NRP1: variants seen among roughly 807,000 people sequenced by gnomAD.
The protein encoded by NRP1 is neuropilin 1.
Under a neutral mutation model 106.7 loss-of-function variants are expected in NRP1, and 35 were observed. That is an observed-to-expected ratio of 0.33 (90% CI 0.25 to 0.43). The LOEUF (loss-of-function observed/expected upper bound fraction) is 0.43, where lower values mean the gene tolerates loss of function less well. NRP1 is among the 20% of genes least tolerant of loss of function. The probability of loss-of-function intolerance (pLI) is 1.00; values close to 1 mark genes in which losing one functional copy is unlikely to be tolerated. For synonymous variants in NRP1, 437 were observed against 417.9 expected, an observed-to-expected ratio of 1.05 and a Z score of -0.56; for missense variants, 1,024 against 1,170.4, an observed-to-expected ratio of 0.87 and a Z score of 1.83.
intron 8 of NRP1, among the ~76,000 whole-genome samples, chr10:33,214,894 G>A (rs563400566): frequency 2.6e-4 from 39 of 152,270 alleles, no homozygotes; most frequent in Admixed American, 5.9e-4. Context: ...TAGTGGTGAT[G>A]CTTGCACAGC....
At chr10:33,306,136 A>AT (rs1167327627) in intron 2 of NRP1, among the ~76,000 whole-genome samples, 12 of 152,092 alleles carry the variant, frequency 7.9e-5, no homozygotes, top group Admixed American at 4.6e-4. Context: ...GTTTATATTA[A>AT]TTTGCAAAGG....
At chr10:33,194,775 G>C (rs1006679730) in intron 12 of NRP1, 4 of 524,898 alleles carry the variant, frequency 7.6e-6, no homozygotes, top group South Asian at 5.8e-5. Context: ...GAAACTTCCA[G>C]CCTGGCTAGA....
chr10:33,262,955 T>C lies in NRP1; in HGVS notation c.658+691A>G, dbSNP rs557249661. ...CCAAAGGGCAGCATCTTTCATTGTT[T>C]TGCTTACCCTGTGGCTAGGATGGTG... On this transcript the variant is annotated intron_variant, in intron 4 of 16. Transcript: ENST00000374867. Among the ~76,000 whole-genome samples, 164 of 152,342 alleles carry C rather than the reference T, an allele frequency of 1.1e-3. 1 individual carries two copies. Among genetic ancestry groups the C allele is most frequent in the African/African-American group, 3.8e-3 (159 of 41,582 alleles).
chr10:33,222,361 A>T (rs1217107657), intron 7 of NRP1, among the ~76,000 whole-genome samples: 1 of 152,198 alleles, frequency 6.6e-6, no homozygotes, highest in African/African-American at 2.4e-5. Context: ...TTGATGGAAG[A>T]TCTTGTCCCT....
intron 10 of NRP1, among the ~76,000 whole-genome samples, chr10:33,203,739 T>TTTG (rs1837534651): frequency 1.3e-5 from 1 of 78,368 alleles, no homozygotes; most frequent in Non-Finnish European, 2.9e-5. Flanking sequence ...TTTTTTTTTT[T>TTTG]TTTTTTTTTT....
At chr10:33,330,645 C>G in intron 2 of NRP1, 63 bp downstream of exon 2, 1 of 1,437,108 alleles carries the variant, frequency 7.0e-7, no homozygotes, top group Admixed American at 2.1e-5. Context: ...GACTTCCCCC[C>G]CGTAGACAGG....
intron 4 of NRP1, among the ~76,000 whole-genome samples, chr10:33,256,985 C>T (rs537419976): frequency 6.6e-6 from 1 of 152,264 alleles, no homozygotes; most frequent in East Asian, 1.9e-4. Context: ...AATTGGCTTC[C>T]TCATGCTATC....
At chr10:33,184,732 G>A (rs2474729) in intron 15 of NRP1, among the ~76,000 whole-genome samples, 25,809 of 151,900 alleles carry the variant, frequency 0.17, 2,765 homozygotes, top group African/African-American at 0.3. Flanking sequence ...CAATTTCTTC[G>A]ATGGATCCTA....
chr10:33,213,719 T>C lies in NRP1; in HGVS notation c.1283-2A>G. ...CCAACATTCCAGAGCAAGGATAATC[T>C]GGGAAGTGAAATGAAACAGATAATG... On this transcript the variant is annotated splice_acceptor_variant, in intron 8 of 16. Coordinates refer to ENST00000374867, the MANE Select transcript of NRP1 (RefSeq NM_003873.7). LOFTEE classifies it high-confidence loss of function. 1 of 1,568,664 alleles carries C rather than the reference T, an allele frequency of 6.4e-7. No homozygotes were observed.
chr10:33,234,377 T>C (rs1840398947), intron 6 of NRP1, among the ~76,000 whole-genome samples: 1 of 152,310 alleles, frequency 6.6e-6, no homozygotes, highest in South Asian at 2.1e-4. Context: ...TATTCCCCAA[T>C]TCATATTTTA....
intron 2 of NRP1, among the ~76,000 whole-genome samples, chr10:33,272,055 A>G (rs1441831609): frequency 1.3e-5 from 2 of 152,234 alleles, no homozygotes; most frequent in Non-Finnish European, 2.9e-5. Context: ...TGGCAATTTA[A>G]AAGAGATCAA....
chr10:33,290,662 G>A (rs1424198037), intron 2 of NRP1, among the ~76,000 whole-genome samples: 2 of 152,002 alleles, frequency 1.3e-5, no homozygotes, highest in African/African-American at 4.8e-5. Flanking sequence ...GTCAATCCTT[G>A]TTTAAAAACA....
intron 3 of NRP1, among the ~76,000 whole-genome samples, chr10:33,270,344 T>C (rs1009106903): frequency 1.2e-4 from 18 of 150,776 alleles, no homozygotes; most frequent in African/African-American, 4.2e-4. Flanking sequence ...TTTTTTTTTT[T>C]GAGACAGAGT....
chr10:33,264,782 T>C (rs978987749), intron 3 of NRP1, among the ~76,000 whole-genome samples: 1 of 152,110 alleles, frequency 6.6e-6, no homozygotes, highest in African/African-American at 2.4e-5. Flanking sequence ...GTAACCAGCA[T>C]AGGGTGGTAT....
intron 6 of NRP1, among the ~76,000 whole-genome samples, chr10:33,227,225 A>T (rs1024032444): frequency 1.3e-5 from 2 of 152,230 alleles, no homozygotes; most frequent in African/African-American, 4.8e-5. Flanking sequence ...GCAAAGACAG[A>T]ATCAAGACAA....
intron 2 of NRP1, among the ~76,000 whole-genome samples, chr10:33,296,450 C>T (rs927483618): frequency 6.6e-6 from 1 of 152,186 alleles, no homozygotes; most frequent in Non-Finnish European, 1.5e-5. Flanking sequence ...TCAGAACAGA[C>T]CTATTCTTTG....
intron 8 of NRP1, among the ~76,000 whole-genome samples, chr10:33,214,220 T>C (rs1838568876): frequency 6.6e-6 from 1 of 152,088 alleles, no homozygotes; most frequent in Admixed American, 6.5e-5. Flanking sequence ...GCATTTGAAT[T>C]GAGTGTGGGA....
intron 2 of NRP1, among the ~76,000 whole-genome samples, chr10:33,303,223 C>A (rs572352111): frequency 1.3e-5 from 2 of 152,218 alleles, no homozygotes; most frequent in Admixed American, 1.3e-4. Flanking sequence ...TGTACCAAAA[C>A]AAACAAACAA....
chr10:33,262,264 C>A (rs1274759372), intron 4 of NRP1, among the ~76,000 whole-genome samples: 1 of 152,070 alleles, frequency 6.6e-6, no homozygotes, highest in Non-Finnish European at 1.5e-5. Context: ...GGATATTATC[C>A]CCCTCTGTTC....
Sources: gnomAD v4.1 joint callset for allele counts (sites outside exome capture counted in the v4.1 genomes callset) on GRCh38, gnomAD v4.1.1 for gene constraint, MANE v1.5 for transcripts, NCBI Gene and HGNC (gene_info 2026-07-23, HGNC 2026-07-21) for gene names.